Variants in SEMA5A observed in about 807,000 individuals in gnomAD.
SEMA5A encodes the protein semaphorin 5A.
SEMA5A carries 55 observed loss-of-function variants against 135.5 expected under a neutral mutation model. That is an observed-to-expected ratio of 0.41 (90% CI 0.33 to 0.51). The LOEUF (loss-of-function observed/expected upper bound fraction) is 0.51, where lower values mean the gene tolerates loss of function less well. Ranked by LOEUF, SEMA5A falls within the 20% of genes least tolerant of loss-of-function variation. The probability of loss-of-function intolerance (pLI) is 0.37; values close to 1 mark genes in which losing one functional copy is unlikely to be tolerated. For missense variants in SEMA5A, 1,290 were observed against 1,419.9 expected, an observed-to-expected ratio of 0.91 and a Z score of 1.47; for synonymous variants, 580 against 546.5, an observed-to-expected ratio of 1.06 and a Z score of -0.85.
intron 1 of SEMA5A, among the ~76,000 whole-genome samples, chr5:9,439,194 T>C (rs1163683590): frequency 6.6e-6 from 1 of 152,182 alleles, no homozygotes; most frequent in East Asian, 1.9e-4. Context: ...ATGCAAATCC[T>C]TGAAGCCAAA....
At chr5:9,285,951 C>T (rs1181170871) in intron 5 of SEMA5A, among the ~76,000 whole-genome samples, 2 of 152,126 alleles carry the variant, frequency 1.3e-5, no homozygotes, top group Non-Finnish European at 2.9e-5. Flanking sequence ...ATGCATACCC[C>T]AATTAGCCAG....
At chr5:9,058,565 G>C (rs900266468) in intron 18 of SEMA5A, among the ~76,000 whole-genome samples, 1 of 152,192 alleles carries the variant, frequency 6.6e-6, no homozygotes, top group Non-Finnish European at 1.5e-5. Context: ...GAAATAACTT[G>C]ACAGAAGAGG....
chr5:9,095,479 G>A (rs1739267164), intron 16 of SEMA5A, among the ~76,000 whole-genome samples: 2 of 152,196 alleles, frequency 1.3e-5, no homozygotes, highest in African/African-American at 4.8e-5. Flanking sequence ...CTAGGCTCCA[G>A]TTCTTAAAAA....
chr5:9,484,157 A>T (rs1484065689), intron 1 of SEMA5A, among the ~76,000 whole-genome samples: 1 of 152,228 alleles, frequency 6.6e-6, no homozygotes, highest in African/African-American at 2.4e-5. Flanking sequence ...ACTTGAAACC[A>T]TTACATTTTA....
At chr5:9,476,741 T>C (rs772341782) in intron 1 of SEMA5A, among the ~76,000 whole-genome samples, 4 of 152,140 alleles carry the variant, frequency 2.6e-5, no homozygotes, top group African/African-American at 4.8e-5. Context: ...CCACAACATC[T>C]ACTAAGGCAA....
chr5:9,136,394 G>T, intron 13 of SEMA5A, 110 bp downstream of exon 13: 1 of 883,092 alleles, frequency 1.1e-6, no homozygotes, highest in South Asian at 1.5e-5. Context: ...TTGCAAAAAT[G>T]GTTCTCATAT....
chr5:9,046,923 C>T (rs1462423413), intron 21 of SEMA5A, among the ~76,000 whole-genome samples: 2 of 152,204 alleles, frequency 1.3e-5, no homozygotes, highest in South Asian at 2.1e-4. Flanking sequence ...CACTCACTCA[C>T]AACCACCTCA....
intron 4 of SEMA5A, among the ~76,000 whole-genome samples, chr5:9,321,962 A>G (rs1752645862): frequency 6.6e-6 from 1 of 152,132 alleles, no homozygotes; most frequent in Non-Finnish European, 1.5e-5. Flanking sequence ...GGGCCTTGAG[A>G]AAAGACGATA....
chr5:9,162,581 T>TATATACAC (rs1743349468), intron 11 of SEMA5A, among the ~76,000 whole-genome samples: 2 of 115,334 alleles, frequency 1.7e-5, no homozygotes, highest in African/African-American at 8.7e-5. Flanking sequence ...TATATATATA[T>TATATACAC]ATATACACAC....
chr5:9,422,788 G>C (rs1276908034), intron 2 of SEMA5A, among the ~76,000 whole-genome samples: 1 of 151,862 alleles, frequency 6.6e-6, no homozygotes, highest in Non-Finnish European at 1.5e-5. Flanking sequence ...GACTATTATT[G>C]GTATCACCAA....
chr5:9,268,124 G>A (rs540277192), intron 5 of SEMA5A, among the ~76,000 whole-genome samples: 3 of 152,172 alleles, frequency 2.0e-5, no homozygotes, highest in Admixed American at 6.5e-5. Flanking sequence ...TGTTGTTCTT[G>A]TAGGTAGTGC....
intron 5 of SEMA5A, among the ~76,000 whole-genome samples, chr5:9,245,122 A>G (rs1395409856): frequency 3.9e-5 from 6 of 152,188 alleles, no homozygotes; most frequent in African/African-American, 1.4e-4. Flanking sequence ...CCAGAAACAA[A>G]CAATTCCTAA....
At chr5:9,338,737 G>T (rs571650366) in intron 3 of SEMA5A, among the ~76,000 whole-genome samples, 13 of 152,134 alleles carry the variant, frequency 8.5e-5, no homozygotes, top group African/African-American at 3.1e-4. Context: ...TGAAGATGTT[G>T]GTTTGAGGAA....
At chr5:9,412,246 A>G (rs539392720) in intron 2 of SEMA5A, among the ~76,000 whole-genome samples, 1 of 152,120 alleles carries the variant, frequency 6.6e-6, no homozygotes, top group African/African-American at 2.4e-5. Context: ...CATGGGTTAC[A>G]GAATACCCTT....
intron 5 of SEMA5A, among the ~76,000 whole-genome samples, chr5:9,267,545 A>G (rs1334953598): frequency 2.0e-5 from 3 of 152,028 alleles, no homozygotes; most frequent in African/African-American, 2.4e-5. Context: ...TTATTTACAG[A>G]CCCTGAAATC....
chr5:9,521,320 G>A (rs1736817496), intron 1 of SEMA5A, among the ~76,000 whole-genome samples: 1 of 152,206 alleles, frequency 6.6e-6, no homozygotes, highest in African/African-American at 2.4e-5. Context: ...TGAGGTAGGA[G>A]AATCACTTGA....
intron 3 of SEMA5A, among the ~76,000 whole-genome samples, chr5:9,369,893 C>G (rs1396729382): frequency 1.3e-5 from 2 of 152,020 alleles, no homozygotes; most frequent in African/African-American, 4.8e-5. Context: ...TTCACTTAAC[C>G]CATTCCCTGC....
intron 11 of SEMA5A, among the ~76,000 whole-genome samples, chr5:9,185,142 G>A (rs2150336874): frequency 6.6e-6 from 1 of 152,246 alleles, no homozygotes; most frequent in East Asian, 1.9e-4. Context: ...TGTCCATGCT[G>A]GTCTCAAACT....
intron 3 of SEMA5A, among the ~76,000 whole-genome samples, chr5:9,377,005 C>A (rs750386763): frequency 1.3e-5 from 2 of 151,630 alleles, no homozygotes; most frequent in Non-Finnish European, 2.9e-5. Context: ...CACTGAAACA[C>A]TATCCATGGT....
Sources: allele counts gnomAD v4.1 joint callset (sites outside exome capture counted in the v4.1 genomes callset), GRCh38; gene constraint gnomAD v4.1.1; transcripts MANE v1.5; gene names NCBI Gene and HGNC (gene_info 2026-07-23, HGNC 2026-07-21).